SNX7: variants seen among roughly 807,000 people sequenced by gnomAD.
The protein encoded by SNX7 is sorting nexin-7.
A neutral mutation model predicts 48.4 loss-of-function variants in SNX7; 35 were observed. The ratio of observed to expected loss-of-function variants is 0.72; its 90% CI spans 0.55 to 0.96. The LOEUF (loss-of-function observed/expected upper bound fraction) is 0.96, where lower values mean the gene tolerates loss of function less well. Ranked by LOEUF, SNX7 falls within the 40% of genes least tolerant of loss-of-function variation. The probability of loss-of-function intolerance (pLI) is 0.00; values close to 1 mark genes in which losing one functional copy is unlikely to be tolerated. For missense variants in SNX7, 553 were observed against 548.9 expected (o/e 1.01, Z -0.07); for synonymous variants, 190 against 190.2 (o/e 1.00, Z 0.01).
rs1357322187 is a variant in SNX7 at position 98,684,954 on chromosome 1, C to G, written c.250C>G (p.Gln84Glu). 1 of 1,598,370 alleles carries G rather than the reference C, an allele frequency of 6.3e-7. No individual in the cohort carries two copies. The highest frequency in any genetic ancestry group is 8.5e-7 in the Non-Finnish European group (1 of 1,171,326). The change falls in exon 2 of 9, where the codon CAA becomes GAA. Residue 84 changes from glutamine to glutamate, a missense_variant. Physicochemically the swap from Gln to Glu is conservative, Grantham distance 29 (BLOSUM62 2). Coordinates refer to ENST00000306121, the MANE Select transcript of SNX7 (RefSeq NM_015976.5). ...AACATCCCCTTTATCAATGATAAAC[C>G]AAATCAAGTTTGAGGATGAACCAGA... ...MPTSPLSMIN[Q>E]IKFEDEPDLK...
intron 1 of SNX7, among the ~76,000 whole-genome samples, chr1:98,683,230 A>C (rs1650600325): frequency 6.6e-6 from 1 of 151,508 alleles, no homozygotes; most frequent in South Asian, 2.1e-4. Context: ...TCGTGTTTGG[A>C]TGTTTGGTAG....
intron 7 of SNX7, among the ~76,000 whole-genome samples, chr1:98,704,086 A>G (rs946277176): frequency 4.6e-5 from 7 of 151,946 alleles, no homozygotes; most frequent in Non-Finnish European, 5.9e-5. Flanking sequence ...AAAAAAAAAC[A>G]CATTATTTTT....
intron 1 of SNX7, chr1:98,677,374 A>G (rs960128339): frequency 2.0e-5 from 3 of 152,202 alleles, no homozygotes; most frequent in African/African-American, 7.2e-5. Context: ...GGCATCCTGC[A>G]TGGTTGGGGT....
At chr1:98,696,624 A>G (rs1456789271) in intron 5 of SNX7, among the ~76,000 whole-genome samples, 1 of 152,122 alleles carries the variant, frequency 6.6e-6, no homozygotes, top group Non-Finnish European at 1.5e-5. Context: ...CCCCTTTTCT[A>G]ACTTTTTTTC....
chr1:98,731,989 T>G (rs1473286416), intron 7 of SNX7, among the ~76,000 whole-genome samples: 1 of 152,128 alleles, frequency 6.6e-6, no homozygotes, highest in East Asian at 1.9e-4. Context: ...ATGCAGATGG[T>G]CCCTGAATTC....
In SNX7 at chr1:98,739,696, T is replaced by C. The variant is rs543405289; in HGVS notation, c.1278+1307T>C. 2.6e-5 allele frequency among the ~76,000 whole-genome samples: 4 copies of C among 151,702 alleles called. No individual in the cohort carries two copies. In the South Asian group the frequency reaches 8.3e-4, roughly 32 times the overall value. ...TGAATAAGGAGTTGCCAGATAAGAG[T>C]GTGAGAAATGGAGTTGGAGCAGAGA... On this transcript the variant is annotated intron_variant, in intron 8 of 8. Transcript: ENST00000306121.
intron 1 of SNX7, among the ~76,000 whole-genome samples, chr1:98,682,248 TC>T (rs1038107906): frequency 2.1e-4 from 32 of 152,020 alleles, no homozygotes; most frequent in Admixed American, 2.1e-3. Context: ...CTCCTTGTCA[TC>T]TCCTTGATAC....
At chr1:98,695,305 G>T (rs766985865) in intron 4 of SNX7, among the ~76,000 whole-genome samples, 12 of 152,114 alleles carry the variant, frequency 7.9e-5, no homozygotes, top group Non-Finnish European at 1.8e-4. Context: ...TGTTTTACAT[G>T]AGTAGTGTGA....
intron 8 of SNX7, among the ~76,000 whole-genome samples, chr1:98,748,485 G>A (rs568723174): frequency 1.1e-4 from 17 of 152,122 alleles, no homozygotes; most frequent in East Asian, 3.9e-4. Flanking sequence ...AGGGATTTGC[G>A]TAGAAGGAGA....
intron 2 of SNX7, among the ~76,000 whole-genome samples, chr1:98,685,393 A>G (rs979365432): frequency 6.6e-6 from 1 of 152,194 alleles, no homozygotes; most frequent in African/African-American, 2.4e-5. Context: ...TTAATAAAAA[A>G]AGAAAATGCT....
intron 7 of SNX7, among the ~76,000 whole-genome samples, chr1:98,731,222 A>G (rs904721392): frequency 6.6e-6 from 1 of 151,976 alleles, no homozygotes; most frequent in African/African-American, 2.4e-5. Context: ...AAGAATAAAA[A>G]TTTTTTAAAA....
chr1:98,688,074 A>G (rs1650902572), intron 2 of SNX7, among the ~76,000 whole-genome samples: 1 of 152,208 alleles, frequency 6.6e-6, no homozygotes, highest in Admixed American at 6.5e-5. Context: ...AGTTATAAAT[A>G]TTTTGAAGGA....
At chr1:98,756,687 ACT>A (rs1175088474) in intron 8 of SNX7, among the ~76,000 whole-genome samples, 1 of 148,596 alleles carries the variant, frequency 6.7e-6, no homozygotes, top group African/African-American at 2.5e-5. Flanking sequence ...TCCATGCACC[ACT>A]CTCTTCTCTG....
At chr1:98,715,346 A>G (rs542373318) in intron 7 of SNX7, among the ~76,000 whole-genome samples, 1 of 152,176 alleles carries the variant, frequency 6.6e-6, no homozygotes, top group South Asian at 2.1e-4. Flanking sequence ...TGATCCTTTC[A>G]TTGATTCTTT....
At chr1:98,672,948 A>AAAATT (rs1553196796) in intron 1 of SNX7, among the ~76,000 whole-genome samples, 1 of 151,080 alleles carries the variant, frequency 6.6e-6, no homozygotes, top group Non-Finnish European at 1.5e-5. Flanking sequence ...AAAAAAAAAA[A>AAAATT]AAAAGAAATT....
intron 7 of SNX7, among the ~76,000 whole-genome samples, chr1:98,726,774 C>T (rs563618726): frequency 6.6e-6 from 1 of 152,220 alleles, no homozygotes; most frequent in Admixed American, 6.5e-5. Context: ...AGGTAGAATG[C>T]CAGGGAATGC....
chr1:98,748,430 C>T (rs1261994975), intron 8 of SNX7, among the ~76,000 whole-genome samples: 1 of 152,088 alleles, frequency 6.6e-6, no homozygotes, highest in African/African-American at 2.4e-5. Context: ...ATAGTCTGTG[C>T]TTCTTCCCAT....
intron 7 of SNX7, among the ~76,000 whole-genome samples, chr1:98,712,641 G>A (rs747693018): frequency 8.5e-5 from 13 of 152,134 alleles, no homozygotes; most frequent in Non-Finnish European, 1.6e-4. Context: ...ATTCTTTAGG[G>A]CACTAGGATT....
chr1:98,733,212 C>G (rs1237024225), intron 7 of SNX7, among the ~76,000 whole-genome samples: 2 of 139,594 alleles, frequency 1.4e-5, no homozygotes, highest in South Asian at 2.4e-4. Context: ...TTCAGGCCAT[C>G]ATCTCCTATC....
Sources: allele counts gnomAD v4.1 joint callset (sites outside exome capture counted in the v4.1 genomes callset), GRCh38; gene constraint gnomAD v4.1.1; transcripts MANE v1.5; gene names NCBI Gene and HGNC (gene_info 2026-07-23, HGNC 2026-07-21).